The following NME8 variants were observed in gnomAD, a reference collection of about 807,000 sequenced individuals.
NME8 encodes NME/NM23 family member 8, also known as protein NME8.
In NME8, 72 loss-of-function variants were observed where a neutral mutation model predicts 82.3. That is an observed-to-expected ratio of 0.87 (90% CI 0.72 to 1.06). The LOEUF is 1.06. Ranked by LOEUF, NME8 falls within the 50% of genes least tolerant of loss-of-function variation. NME8 has a pLI of 0.00. For missense variants in NME8, 712 were observed against 685.4 expected (o/e 1.04, Z -0.43); for synonymous variants, 267 against 228.5 (o/e 1.17, Z -1.52).
At chr7:37,859,165 G>A (rs1164792797) in intron 6 of NME8, among the ~76,000 whole-genome samples, 2 of 152,086 alleles carry the variant, frequency 1.3e-5, no homozygotes, top group Admixed American at 6.6e-5. Flanking sequence ...AGACTAATCG[G>A]GCCATCACCC....
Position 37,896,896 on chromosome 7 carries a change from C to A in NME8, c.1571C>A (p.Thr524Asn). The change falls in exon 17 of 18, where the codon ACC becomes AAC. Residue 524 changes from threonine (T) to asparagine (N), a missense_variant. By Grantham distance (65) the Thr-to-Asn change is moderately conservative (BLOSUM62 0). Transcript: ENST00000199447. ...GGTCCATCTATGGTCATGATTCTGA[C>A]CAAGTGGAATGCTGTTGCAGAATGG... ...SVGPSMVMIL[T>N]KWNAVAEWRR... The A allele has an allele frequency of 6.2e-7, 1 of 1,613,752 alleles. No individual in the cohort carries two copies. Among genetic ancestry groups the A allele is most frequent in the Non-Finnish European group, 8.5e-7 (1 of 1,179,810 alleles).
In NME8 at chr7:37,884,291, G is replaced by T; in HGVS notation, c.995-12G>T. 1 of 1,535,498 alleles carries T rather than the reference G, an allele frequency of 6.5e-7. No homozygotes were observed. Among genetic ancestry groups the T allele is most frequent in the South Asian group, 1.1e-5 (1 of 89,434 alleles). On this transcript the variant is annotated splice_polypyrimidine_tract_variant and intron_variant, in intron 12 of 17. Transcript: ENST00000199447. ...CCAGTTTAAAACTTATTATGTAACTGTTTTTATTTAGATGATGTTTTGCGT... is the reference window on the plus strand; with the variant it reads ...CCAGTTTAAAACTTATTATGTAACTTTTTTTATTTAGATGATGTTTTGCGT...
intron 12 of NME8, among the ~76,000 whole-genome samples, chr7:37,883,331 A>T (rs1784993071): frequency 6.6e-6 from 1 of 152,184 alleles, no homozygotes; most frequent in Non-Finnish European, 1.5e-5. Flanking sequence ...CTAAGAATTT[A>T]TATGATTCCA....
At chr7:37,858,845 G>A (rs1220534278) in intron 6 of NME8, among the ~76,000 whole-genome samples, 2 of 152,156 alleles carry the variant, frequency 1.3e-5, no homozygotes, top group Non-Finnish European at 2.9e-5. Context: ...AGGTGTTTGG[G>A]TCATTGGGGC....
intron 8 of NME8, among the ~76,000 whole-genome samples, chr7:37,864,002 A>T (rs1009062959): frequency 1.3e-5 from 2 of 152,214 alleles, no homozygotes; most frequent in African/African-American, 4.8e-5. Flanking sequence ...TGCATGATTC[A>T]CAGTTAAAAC....
rs62001869 is a variant in NME8 at position 37,884,315 on chromosome 7, G to C, written c.1007G>C (p.Arg336Pro). ...LFHERKDDVL[R>P]IIKDEDFKIL... ...TGTTTTTATTTAGATGATGTTTTGC[G>C]TATTATTAAAGATGAAGACTTCAAA... The change falls in exon 13 of 18, where the codon CGT (arginine) becomes CCT (proline). Residue 336 changes from arginine (R) to proline (P), a missense_variant. Arg to Pro is a moderately radical substitution (Grantham distance 103). Transcript: ENST00000199447. 14 of 1,583,354 alleles carry C rather than the reference G, an allele frequency of 8.8e-6. No individual in the cohort carries two copies. The highest frequency in any genetic ancestry group is 5.4e-5 in the African/African-American group (4 of 74,190).
chr7:37,869,145 G>T (rs1784733603), intron 11 of NME8, among the ~76,000 whole-genome samples: 1 of 152,250 alleles, frequency 6.6e-6, no homozygotes, highest in Admixed American at 6.5e-5. Flanking sequence ...AATCATAGTG[G>T]CTTTTCTTGG....
At chr7:37,859,636 T>A (rs1453185819) in intron 6 of NME8, among the ~76,000 whole-genome samples, 1 of 152,198 alleles carries the variant, frequency 6.6e-6, no homozygotes, top group East Asian at 1.9e-4. Context: ...TTCCCCCATC[T>A]CACTCCTGTC....
chr7:37,861,810 T>G (rs951600058), intron 6 of NME8, among the ~76,000 whole-genome samples: 1 of 152,156 alleles, frequency 6.6e-6, no homozygotes, highest in Non-Finnish European at 1.5e-5. Flanking sequence ...CTGGAGGACA[T>G]GCAAATTGGA....
At chr7:37,870,560 G>T (rs1250018477) in intron 11 of NME8, among the ~76,000 whole-genome samples, 1 of 141,656 alleles carries the variant, frequency 7.1e-6, no homozygotes, top group Non-Finnish European at 1.5e-5. Context: ...CTGCACTCCA[G>T]CCTGGGTGAC....
rs1165985475 is a variant in NME8 at position 37,893,143 on chromosome 7, CTGTT to C, written c.1400-1319_1400-1316del. 2.0e-5 allele frequency among the ~76,000 whole-genome samples: 3 copies of C among 152,066 alleles called. 1 individual carries two copies. The highest frequency in any genetic ancestry group is 4.1e-4 in the South Asian group (2 of 4,822). The stretch of plus-strand genomic sequence containing the variant: ...TCTGTCTCACTACCTACAGTACTCT[CTGTT>C]TGTCTTGAACGTTAACCTGAGCCAC... On this transcript the variant is annotated intron_variant, in intron 15 of 17. Coordinates refer to ENST00000199447, the MANE Select transcript of NME8 (RefSeq NM_016616.5).
intron 11 of NME8, among the ~76,000 whole-genome samples, chr7:37,869,892 C>T (rs1784742718): frequency 6.6e-6 from 1 of 152,126 alleles, no homozygotes; most frequent in African/African-American, 2.4e-5. Context: ...CACTCCCGGC[C>T]AGCAGTCTCT....
At chr7:37,866,049 A>G (rs1289229499) in intron 10 of NME8, among the ~76,000 whole-genome samples, 1 of 151,622 alleles carries the variant, frequency 6.6e-6, no homozygotes, top group Non-Finnish European at 1.5e-5. Context: ...CACTCCTGCC[A>G]CCTCCCTACC....
chr7:37,891,934 TC>T (rs3840556), intron 15 of NME8, among the ~76,000 whole-genome samples: 13,205 of 152,086 alleles, frequency 0.087, 710 homozygotes, highest in South Asian at 0.19. Context: ...TGAGCTATTC[TC>T]CTATTTTTTG....
chr7:37,882,555 GAAAGAAAGAAAGAA>G (rs1562837987), intron 12 of NME8, among the ~76,000 whole-genome samples: 3 of 18,186 alleles, frequency 1.6e-4, no homozygotes, highest in African/African-American at 4.3e-4. Context: ...GGGAAAGAAA[GAAAGAAAGAAAGAA>G]AGAAAGAAAG....
chr7:37,884,212 A>AT, intron 12 of NME8, 91 bp from the exon 13 acceptor site: 1 of 913,214 alleles, frequency 1.1e-6, no homozygotes, highest in Non-Finnish European at 1.8e-6. Flanking sequence ...AATAAAGTGC[A>AT]TTGTATGCCC....
rs144351597 is a variant in NME8, at chr7:37,875,401, G to GACAC, written c.819-1416_819-1413dup. 1.4e-4 allele frequency among the ~76,000 whole-genome samples: 21 copies of GACAC among 149,678 alleles called. No individual in the cohort carries two copies. In the South Asian group the frequency reaches 2.1e-3, roughly 15 times the overall value. On this transcript the variant is annotated intron_variant, in intron 11 of 17. Coordinates refer to ENST00000199447, the MANE Select transcript of NME8 (RefSeq NM_016616.5). ...GCTTACTCTCAAATGGATCTGCCAA[G>GACAC]ACACACACACACACACACCCACACA...
At chr7:37,889,237 A>T (rs1327857822) in intron 15 of NME8, among the ~76,000 whole-genome samples, 1 of 151,710 alleles carries the variant, frequency 6.6e-6, no homozygotes, top group African/African-American at 2.4e-5. Context: ...TCATTATTAT[A>T]TTTCCTCCAT....
At position 37,861,899 on chromosome 7, in the gene NME8, A is replaced by G. The variant is rs113703214; in HGVS notation, c.271-129A>G. On this transcript the variant is annotated intron_variant, in intron 6 of 17. Transcript: ENST00000199447. ...ACCTTACTGTAAAACGTTAATTACCATAGCTAAAAGAGGATTCATGAGGAT... is the reference window on the plus strand; with the variant it reads ...ACCTTACTGTAAAACGTTAATTACCGTAGCTAAAAGAGGATTCATGAGGAT... 361 of 769,104 alleles carry G rather than the reference A, an allele frequency of 4.7e-4. 3 individuals carry two copies. The African/African-American group carries it at 4.9e-3, about 11-fold the overall frequency. The allele number at this position is 769,104 out of a possible 1,614,324, so 47.6% of individuals were successfully genotyped here.
Sources: gnomAD v4.1 joint callset for allele counts (sites outside exome capture counted in the v4.1 genomes callset) on GRCh38, gnomAD v4.1.1 for gene constraint, MANE v1.5 for transcripts, NCBI Gene and HGNC (gene_info 2026-07-23, HGNC 2026-07-21) for gene names.